Variants in DHX30 observed in about 807,000 individuals in gnomAD.
DHX30 encodes the protein ATP-dependent RNA helicase DHX30.
In DHX30, 4 loss-of-function variants were observed where a neutral mutation model predicts 116.9. The ratio of observed to expected loss-of-function variants is 0.03; its 90% CI spans 0.02 to 0.08. The LOEUF (loss-of-function observed/expected upper bound fraction) is 0.08, where lower values mean the gene tolerates loss of function less well. Ranked by LOEUF, DHX30 falls within the 10% of genes least tolerant of loss-of-function variation. The pLI is 1.00. For synonymous variants in DHX30, 697 were observed against 651.7 expected (o/e 1.07, Z -1.06); for missense variants, 871 against 1,595.1 (o/e 0.55, Z 7.73).
At chr3:47,827,154 C>G (rs1208567784) in intron 4 of DHX30, among the ~76,000 whole-genome samples, 193 bp from the exon 5 acceptor site, 1 of 151,982 alleles carries the variant, frequency 6.6e-6, no homozygotes, top group East Asian at 1.9e-4. Flanking sequence ...GATGGTTATT[C>G]AAGTGGGTCT....
At chr3:47,849,134 T>C (rs1156311621) in intron 18 of DHX30, 55 bp downstream of exon 18, 1 of 1,612,368 alleles carries the variant, frequency 6.2e-7, no homozygotes, top group Admixed American at 1.7e-5. Context: ...ACTGAGTTTC[T>C]GTCACCTCCA....
At chr3:47,840,763 C>G (rs2037335839) in intron 6 of DHX30, 114 bp from the exon 7 acceptor site, 2 of 1,348,848 alleles carry the variant, frequency 1.5e-6, no homozygotes, top group Admixed American at 2.2e-5. Flanking sequence ...AGTGGGTAAA[C>G]AGATGAAAAA....
chr3:47,842,760 C>T (rs2037438758), intron 8 of DHX30: 2 of 202,138 alleles, frequency 9.9e-6, no homozygotes, highest in Non-Finnish European at 2.0e-5. Flanking sequence ...CTTTTTGCTC[C>T]CGCAGGATGT....
chr3:47,849,418 C>T, intron 19 of DHX30, 33 bp from the exon 20 acceptor site: 6 of 1,574,052 alleles, frequency 3.8e-6, no homozygotes, highest in Non-Finnish European at 3.5e-6. Context: ...GCTCCTTGCT[C>T]AGCCCCACCC....
intron 6 of DHX30, among the ~76,000 whole-genome samples, chr3:47,840,363 G>T (rs2037316575): frequency 6.6e-6 from 1 of 151,486 alleles, no homozygotes; most frequent in Admixed American, 6.6e-5. Flanking sequence ...TATCTTCTTG[G>T]GCTTGGTGCG....
intron 6 of DHX30, among the ~76,000 whole-genome samples, chr3:47,840,497 G>A (rs964445475): frequency 6.6e-6 from 1 of 151,806 alleles, no homozygotes; most frequent in African/African-American, 2.4e-5. Context: ...TTCGCTGGGC[G>A]TTGTGGTGCA....
At position 47,808,634 on chromosome 3, in the gene DHX30, G is replaced by A. The variant is rs181543268; in HGVS notation, c.-27-2023G>A. Among the ~76,000 whole-genome samples the A allele has an allele frequency of 9.7e-4, 147 of 151,438 alleles. 2 individuals carry two copies. In the East Asian group the frequency reaches 0.024, roughly 25 times the overall value. On this transcript the variant is annotated intron_variant, in intron 2 of 21. Transcript: ENST00000445061. ...TCTGTTGCCCAGGCTGGAGTGCAGA[G>A]GTGTGATCTTGGCTCACTGCAACCT...
intron 4 of DHX30, among the ~76,000 whole-genome samples, chr3:47,822,627 A>G (rs1236148600): frequency 6.6e-6 from 1 of 152,110 alleles, no homozygotes; most frequent in Non-Finnish European, 1.5e-5. Flanking sequence ...TCTACTAAAA[A>G]TACAAAAATT....
intron 4 of DHX30, among the ~76,000 whole-genome samples, chr3:47,826,415 A>G (rs992652383): frequency 6.6e-6 from 1 of 150,958 alleles, no homozygotes; most frequent in African/African-American, 2.4e-5. Context: ...GGAGTAATTC[A>G]TGCCTGCTCA....
rs2037962478 is a variant in DHX30, at chr3:47,849,653, G to A, written c.3215G>A (p.Arg1072Gln). Residue 1072 changes from arginine to glutamine, a missense_variant, in exon 21 of 22, where the codon CGA becomes CAA. Around this residue, in one of 13 missense-constraint regions of DHX30, gnomAD observed 238 missense variants for 481.0 expected, o/e 0.49. Transcript: ENST00000445061. ...AGGGAGGCCACACGGTTACGGAGCC[G>A]ATGGCTGACGTATTTCATGGCAGTC... ...INREATRLRS[R>Q]WLTYFMAVKS... 3 of 1,614,084 alleles carry A rather than the reference G, an allele frequency of 1.9e-6. No individual in the cohort carries two copies. Among genetic ancestry groups the A allele is most frequent in the African/African-American group, 1.3e-5 (1 of 74,934 alleles).
chr3:47,807,324 AG>A (rs1262700532), intron 2 of DHX30, among the ~76,000 whole-genome samples: 4 of 152,126 alleles, frequency 2.6e-5, no homozygotes, highest in Admixed American at 2.0e-4. Context: ...TGATTCTCAT[AG>A]TATCGTTTTT....
chr3:47,826,722 G>C (rs1316989198), intron 4 of DHX30, among the ~76,000 whole-genome samples: 1 of 152,176 alleles, frequency 6.6e-6, no homozygotes, highest in African/African-American at 2.4e-5. Context: ...AAAGTGCTGG[G>C]ATTACAGGCG....
chr3:47,849,600 G>T (rs779610064), intron 20 of DHX30, 30 bp from the exon 21 acceptor site: 3 of 1,614,140 alleles, frequency 1.9e-6, no homozygotes, highest in Admixed American at 3.3e-5. Flanking sequence ...TGGTCCAAAA[G>T]GGTGGCCTCA....
At chr3:47,849,423 C>T in intron 19 of DHX30, 28 bp from the exon 20 acceptor site, 2 of 1,573,322 alleles carry the variant, frequency 1.3e-6, no homozygotes, top group Non-Finnish European at 1.7e-6. Context: ...TTGCTCAGCC[C>T]CACCCGTCTT....
Position 47,846,813 on chromosome 3 carries a change from C to T in DHX30, c.1741C>T (p.Leu581Phe). Residue 581 changes from leucine (L) to phenylalanine (F), a missense_variant, in exon 11 of 22, where the codon CTC (leucine) becomes TTC (phenylalanine). Coordinates refer to ENST00000445061, the MANE Select transcript of DHX30 (RefSeq NM_138615.3). ...GATCCTGCTCAAGGGCCTGCAGCGG[C>T]TCAACCCGGCCCTGCGGCTGGTGCT... ...LLILLKGLQR[L>F]NPALRLVLMS... 1 of 1,613,280 alleles carries T rather than the reference C, an allele frequency of 6.2e-7. No homozygotes were observed. The highest frequency in any genetic ancestry group is 8.5e-7 in the Non-Finnish European group (1 of 1,179,874).
At chr3:47,825,159 C>G (rs2036493793) in intron 4 of DHX30, 1 of 669,448 alleles carries the variant, frequency 1.5e-6, no homozygotes, top group Non-Finnish European at 2.7e-6. Flanking sequence ...CAAGCTGCGC[C>G]CACCCCGACC....
intron 6 of DHX30, among the ~76,000 whole-genome samples, chr3:47,836,956 C>T (rs576449831): frequency 5.8e-4 from 89 of 152,232 alleles, no homozygotes; most frequent in Non-Finnish European, 6.6e-4. Flanking sequence ...TTTCCCTTTC[C>T]CCCCAAATCA....
intron 3 of DHX30, among the ~76,000 whole-genome samples, chr3:47,811,481 G>A (rs1309387585): frequency 6.6e-6 from 1 of 152,060 alleles, no homozygotes; most frequent in Admixed American, 6.6e-5. Context: ...CCAGCATTTC[G>A]CACATAGTAG....
intron 4 of DHX30, among the ~76,000 whole-genome samples, chr3:47,819,979 A>G (rs1018305921): frequency 6.6e-6 from 1 of 152,222 alleles, no homozygotes; most frequent in African/African-American, 2.4e-5. Flanking sequence ...TGCCTCAAAT[A>G]GATGTGTGCC....
Sources: gnomAD v4.1 joint callset for allele counts (sites outside exome capture counted in the v4.1 genomes callset) on GRCh38, gnomAD v4.1.1 for gene constraint, gnomAD v4.1.1 regional missense constraint, MANE v1.5 for transcripts, NCBI Gene and HGNC (gene_info 2026-07-23, HGNC 2026-07-21) for gene names.